Variants in PICALM observed in about 807,000 individuals in gnomAD.
The protein encoded by PICALM is phosphatidylinositol binding clathrin assembly protein, also known as phosphatidylinositol-binding clathrin assembly protein.
In PICALM, 40 loss-of-function variants were observed where a neutral mutation model predicts 80.5. The observed-to-expected ratio is 0.50, with a 90% CI of 0.39 to 0.65. The LOEUF is 0.65. Ranked by LOEUF, PICALM falls within the 30% of genes least tolerant of loss-of-function variation. The pLI, the probability that PICALM is intolerant of heterozygous loss-of-function variation, is 0.00. For synonymous variants in PICALM, 288 were observed against 260.3 expected (o/e 1.11, Z -1.02); for missense variants, 676 against 778.9 (o/e 0.87, Z 1.57).
chr11:85,996,877 G>C lies in PICALM; in HGVS notation c.1207C>G (p.Pro403Ala). 1 of 1,612,836 alleles carries C rather than the reference G, an allele frequency of 6.2e-7. No homozygotes were observed. Among genetic ancestry groups the C allele is most frequent in the East Asian group, 2.2e-5 (1 of 44,782 alleles). Reference sequence around the variant, plus strand: ...GCAGTTGACATAGGATGTACAGATGGGTGAAAAGTTGGCTGCTGCAAATCA... The same window carrying C: ...GCAGTTGACATAGGATGTACAGATGCGTGAAAAGTTGGCTGCTGCAAATCA... ...LLDLQQPTFH[P>A]SVHPMSTASQ... is the part of the protein sequence containing the mutation. Residue 403 changes from proline to alanine, a missense_variant, in exon 12 of 20, where the codon CCA (proline) becomes GCA (alanine). Physicochemically the swap from Pro to Ala is conservative, Grantham distance 27 (BLOSUM62 -1). Transcript: ENST00000393346.
intron 19 of PICALM, among the ~76,000 whole-genome samples, chr11:85,961,082 AT>A (rs2093672673): frequency 2.0e-5 from 1 of 48,898 alleles, no homozygotes; most frequent in Non-Finnish European, 3.7e-5. Context: ...TAATGTGTGT[AT>A]GGGGGGTGGT....
chr11:85,990,696 T>C (rs934432839), intron 12 of PICALM, among the ~76,000 whole-genome samples: 2 of 152,166 alleles, frequency 1.3e-5, no homozygotes, highest in Non-Finnish European at 2.9e-5. Flanking sequence ...GAGCCACCCA[T>C]CTTGCACCAA....
intron 11 of PICALM, 110 bp from the exon 12 acceptor site, chr11:85,997,039 T>G (rs2094989252): frequency 1.7e-6 from 1 of 603,326 alleles, no homozygotes; most frequent in South Asian, 2.1e-5. Flanking sequence ...GGGAGAAAAG[T>G]CTCATTAATA....
intron 4 of PICALM, among the ~76,000 whole-genome samples, chr11:86,019,179 C>CCT (rs1360991440): frequency 1.3e-5 from 2 of 152,106 alleles, no homozygotes; most frequent in Non-Finnish European, 2.9e-5. Context: ...CAATGAGAGT[C>CCT]CTCTCCAAAA....
chr11:85,995,215 G>C (rs1250188529), intron 12 of PICALM, among the ~76,000 whole-genome samples: 1 of 152,102 alleles, frequency 6.6e-6, no homozygotes, highest in African/African-American at 2.4e-5. Flanking sequence ...TTATATGAAA[G>C]TTAAGACAGG....
intron 13 of PICALM, 78 bp from the exon 14 acceptor site, chr11:85,984,051 G>T: frequency 1.5e-6 from 1 of 670,618 alleles, no homozygotes; most frequent in South Asian, 1.9e-5. Flanking sequence ...GATGACAATA[G>T]AATGGAAAAT....
chr11:86,041,203 A>G (rs1468872007), intron 1 of PICALM, among the ~76,000 whole-genome samples: 1 of 152,200 alleles, frequency 6.6e-6, no homozygotes, highest in Non-Finnish European at 1.5e-5. Context: ...TACACCTTAA[A>G]TATTTATTAA....
At chr11:85,994,734 T>C (rs968561013) in intron 12 of PICALM, among the ~76,000 whole-genome samples, 10 of 152,236 alleles carry the variant, frequency 6.6e-5, no homozygotes, top group Admixed American at 5.2e-4. Context: ...TTTCTTTTCT[T>C]TTCTGTCTCC....
intron 1 of PICALM, among the ~76,000 whole-genome samples, chr11:86,064,828 C>T (rs2096420501): frequency 6.6e-6 from 1 of 151,526 alleles, no homozygotes; most frequent in South Asian, 2.1e-4. Flanking sequence ...AATCCCAGCA[C>T]TCTGGGAGGC....
At chr11:85,960,815 A>G (rs750630759) in intron 19 of PICALM, 13 of 958,410 alleles carry the variant, frequency 1.4e-5, no homozygotes, top group South Asian at 9.3e-5. Flanking sequence ...AAAGAAAAAA[A>G]GATCTCAGAA....
chr11:86,068,745 G>A lies in PICALM; in HGVS notation c.36C>T (p.Ala12=). 6.2e-7 allele frequency: 1 copy of A among 1,612,264 alleles called. No homozygotes were observed. Among genetic ancestry groups the A allele is most frequent in the Non-Finnish European group, 8.5e-7 (1 of 1,179,652 alleles). ...SGQSLTDRIT[A]AQHSVTGSAV... ...CAGAGCCGGTGACACTGTGCTGGGC[G>A]GCAGTGATTCGGTCCGTCAGGCTCT... Residue 12 remains alanine, a synonymous_variant, in exon 1 of 20, where the codon GCC becomes GCT. Coordinates refer to ENST00000393346, the MANE Select transcript of PICALM (RefSeq NM_007166.4).
chr11:86,010,917 T>A (rs113843966), intron 7 of PICALM, 113 bp downstream of exon 7: 15 of 648,446 alleles, frequency 2.3e-5, no homozygotes, highest in Non-Finnish European at 1.4e-5. Flanking sequence ...ATAATAATGA[T>A]TGAATACTAA....
chr11:85,990,244 C>A lies in PICALM; in HGVS notation c.1408+6G>T. On this transcript the variant is annotated splice_donor_region_variant and intron_variant, in intron 13 of 19. Transcript: ENST00000393346. Reference sequence around the variant, plus strand: ...GATTGGAAAAAAAGGTTAAATGGTACTTTACCAACAAACATTTCATGAGTA... The same window carrying A: ...GATTGGAAAAAAAGGTTAAATGGTAATTTACCAACAAACATTTCATGAGTA... The A allele has an allele frequency of 6.4e-7, 1 of 1,568,086 alleles. No homozygotes were observed. Among genetic ancestry groups the A allele is most frequent in the Non-Finnish European group, 8.7e-7 (1 of 1,146,268 alleles).
At chr11:86,026,445 T>C (rs1004796857) in intron 2 of PICALM, 78 bp from the exon 3 acceptor site, 7 of 793,650 alleles carry the variant, frequency 8.8e-6, no homozygotes, top group East Asian at 5.2e-5. Flanking sequence ...GGAAAAGTTA[T>C]GGTTAACACA....
intron 8 of PICALM, among the ~76,000 whole-genome samples, chr11:86,006,035 T>A (rs2095268879): frequency 6.6e-6 from 1 of 152,176 alleles, no homozygotes; most frequent in African/African-American, 2.4e-5. Context: ...AACTTCTACA[T>A]CTAGCCTGAG....
intron 7 of PICALM, among the ~76,000 whole-genome samples, chr11:86,010,471 T>C (rs2095373587): frequency 6.6e-6 from 1 of 152,030 alleles, no homozygotes; most frequent in Non-Finnish European, 1.5e-5. Context: ...GGATTACAAG[T>C]GCCCGCCTCC....
At chr11:85,981,701 C>T (rs1565273952) in intron 16 of PICALM, 44 bp downstream of exon 16, 2 of 1,480,066 alleles carry the variant, frequency 1.4e-6, no homozygotes, top group Non-Finnish European at 1.9e-6. Context: ...GGAGAAAACA[C>T]TAAATAACAC....
intron 19 of PICALM, among the ~76,000 whole-genome samples, chr11:85,967,775 A>AC (rs71274433): frequency 0.1 from 15,168 of 152,296 alleles, 922 homozygotes; most frequent in Admixed American, 0.14. Context: ...ACTAGTTCTT[A>AC]AATACAAGAA....
chr11:85,961,747 G>A (rs1183308591), intron 19 of PICALM, among the ~76,000 whole-genome samples: 1 of 152,180 alleles, frequency 6.6e-6, no homozygotes, highest in African/African-American at 2.4e-5. Context: ...GGATGTCCTA[G>A]TGAGTAATAA....
Sources: allele counts gnomAD v4.1 joint callset (sites outside exome capture counted in the v4.1 genomes callset), GRCh38; gene constraint gnomAD v4.1.1; transcripts MANE v1.5; gene names NCBI Gene and HGNC (gene_info 2026-07-23, HGNC 2026-07-21).